Variants in PCDHA12 observed in about 807,000 individuals in gnomAD.
PCDHA12 encodes protocadherin alpha-12.
PCDHA12 carries 44 observed loss-of-function variants against 60.0 expected under a neutral mutation model. The ratio of observed to expected loss-of-function variants is 0.73; its 90% confidence interval spans 0.58 to 0.94. The LOEUF is 0.94. Ranked by LOEUF, PCDHA12 falls within the 40% of genes least tolerant of loss-of-function variation. PCDHA12 has a pLI of 0.00. For synonymous variants in PCDHA12, 569 were observed against 553.0 expected (o/e 1.03, Z -0.40); for missense variants, 1,276 against 1,239.7 (o/e 1.03, Z -0.44).
intron 1 of PCDHA12, among the ~76,000 whole-genome samples, chr5:140,936,457 TG>T (rs782214118): frequency 2.2e-4 from 34 of 152,232 alleles, no homozygotes; most frequent in Non-Finnish European, 4.6e-4. Flanking sequence ...ATCTGTTTAG[TG>T]GTTGCTGTAG....
chr5:140,879,491 T>G (rs2153367311), intron 1 of PCDHA12, among the ~76,000 whole-genome samples: 1 of 152,338 alleles, frequency 6.6e-6, no homozygotes. Flanking sequence ...AATATGGGTC[T>G]GGATCTCAGA....
At chr5:140,958,515 A>G (rs1217324801) in intron 1 of PCDHA12, among the ~76,000 whole-genome samples, 1 of 152,150 alleles carries the variant, frequency 6.6e-6, no homozygotes, top group Non-Finnish European at 1.5e-5. Flanking sequence ...TGGCTGTCCA[A>G]TATATACTAT....
At chr5:140,925,955 G>A (rs1350124934) in intron 1 of PCDHA12, among the ~76,000 whole-genome samples, 1 of 152,076 alleles carries the variant, frequency 6.6e-6, no homozygotes, top group Non-Finnish European at 1.5e-5. Context: ...AGGAGAAACT[G>A]CTATCACGCA....
At chr5:140,918,848 G>T (rs2078891260) in intron 1 of PCDHA12, among the ~76,000 whole-genome samples, 1 of 152,134 alleles carries the variant, frequency 6.6e-6, no homozygotes, top group Admixed American at 6.5e-5. Flanking sequence ...TAAATCTGCT[G>T]GTGCCTGAAT....
intron 1 of PCDHA12, among the ~76,000 whole-genome samples, chr5:140,952,166 G>A (rs2094699360): frequency 6.6e-6 from 1 of 152,072 alleles, no homozygotes; most frequent in African/African-American, 2.4e-5. Flanking sequence ...GTGGGGTTCA[G>A]TTCCTGCAGC....
chr5:140,925,371 A>G (rs1266840293), intron 1 of PCDHA12, among the ~76,000 whole-genome samples: 2 of 152,136 alleles, frequency 1.3e-5, no homozygotes, highest in Non-Finnish European at 2.9e-5. Context: ...CATAGTCAAT[A>G]GTCAATGAGT....
At chr5:140,919,552 T>C (rs2079193484) in intron 1 of PCDHA12, among the ~76,000 whole-genome samples, 1 of 152,224 alleles carries the variant, frequency 6.6e-6, no homozygotes, top group South Asian at 2.1e-4. Context: ...ATTTACTGAT[T>C]TATATTAAGT....
intron 1 of PCDHA12, among the ~76,000 whole-genome samples, chr5:140,890,775 C>T (rs1583027889): frequency 1.3e-5 from 2 of 152,158 alleles, no homozygotes; most frequent in East Asian, 3.9e-4. Context: ...TTTAAAACCC[C>T]ATAAGATATT....
intron 1 of PCDHA12, chr5:140,930,104 G>T (rs532818002): frequency 6.6e-6 from 1 of 152,210 alleles, no homozygotes; most frequent in Non-Finnish European, 1.5e-5. Flanking sequence ...ACTGATAGGA[G>T]ATCATATTGT....
In PCDHA12 at chr5:140,877,632, G is replaced by A. The variant is rs2057247482; in HGVS notation, c.2160G>A (p.Ala720=). The change falls in exon 1 of 4, where the codon GCG becomes GCA. Residue 720 remains alanine, a synonymous_variant. Coordinates refer to ENST00000398631, the MANE Select transcript of PCDHA12 (RefSeq NM_018903.4). ...LLVLTLLLYT[A]LRCSAPPTVS... is the part of the protein sequence containing the mutation. ...TGCTCACGCTGCTGCTGTACACTGC[G>A]CTGCGTTGCTCAGCGCCGCCCACCG... 1.2e-6 allele frequency: 2 copies of A among 1,613,768 alleles called. No homozygotes were observed. Among genetic ancestry groups the A allele is most frequent in the East Asian group, 4.5e-5 (2 of 44,860 alleles).
intron 1 of PCDHA12, chr5:140,881,495 T>C (rs2058735247): frequency 3.5e-6 from 1 of 288,914 alleles, no homozygotes; most frequent in Non-Finnish European, 5.2e-6. Flanking sequence ...TTTATGCACA[T>C]ACACACACTC....
chr5:141,009,770 A>T lies in PCDHA12; in HGVS notation c.2659A>T (p.Ile887Phe). The part of the protein sequence containing the change: ...DKFIIPGSPA[I>F]ISIRQEPTNS... The stretch of plus-strand genomic sequence containing the variant: ...ATTCATTATCCCAGGATCTCCTGCA[A>T]TCATCTCCATCCGGCAGGAGCCTAC... The change falls in exon 4 of 4, where the codon ATC becomes TTC. Residue 887 changes from isoleucine to phenylalanine, a missense_variant. Transcript: ENST00000398631. 6.2e-7 allele frequency: 1 copy of T among 1,614,160 alleles called. No homozygotes were observed. The highest frequency in any genetic ancestry group is 8.5e-7 in the Non-Finnish European group (1 of 1,180,028).
At chr5:140,982,213 A>G in intron 2 of PCDHA12, 2 of 482,032 alleles carry the variant, frequency 4.1e-6, no homozygotes, top group South Asian at 8.1e-5. Context: ...TGAGCGCCAC[A>G]TGGCGTTAAT....
intron 1 of PCDHA12, chr5:140,929,210 G>C (rs782078369): frequency 1.9e-6 from 3 of 1,614,070 alleles, no homozygotes; most frequent in Non-Finnish European, 2.5e-6. Context: ...CTGTTGCGTG[G>C]GGAGTACAAT....
intron 1 of PCDHA12, among the ~76,000 whole-genome samples, chr5:140,960,353 A>T (rs1197291282): frequency 6.6e-6 from 1 of 152,214 alleles, no homozygotes; most frequent in African/African-American, 2.4e-5. Context: ...ATATGTACTG[A>T]AATAATATGC....
intron 3 of PCDHA12, among the ~76,000 whole-genome samples, chr5:140,999,590 C>T (rs951986017): frequency 3.3e-5 from 5 of 152,132 alleles, no homozygotes; most frequent in Non-Finnish European, 7.3e-5. Context: ...AAATTGCCTT[C>T]CCTACATCCT....
intron 1 of PCDHA12, among the ~76,000 whole-genome samples, chr5:140,889,643 G>A (rs141216075): frequency 1.3e-4 from 20 of 152,024 alleles, no homozygotes; most frequent in African/African-American, 4.8e-4. Context: ...ATTTGTGTTT[G>A]CAGGAGATGT....
chr5:140,972,733 G>A (rs1037610917), intron 1 of PCDHA12, among the ~76,000 whole-genome samples: 7 of 147,652 alleles, frequency 4.7e-5, no homozygotes, highest in Non-Finnish European at 7.4e-5. Context: ...GCGTAATCCC[G>A]GCTCACTGCA....
intron 1 of PCDHA12, chr5:140,884,455 G>A: frequency 2.5e-6 from 4 of 1,613,784 alleles, no homozygotes; most frequent in Non-Finnish European, 3.4e-6. Flanking sequence ...CGCCCACCGA[G>A]GGCGCGTGCG....
Sources: allele counts gnomAD v4.1 joint callset (sites outside exome capture counted in the v4.1 genomes callset), GRCh38; gene constraint gnomAD v4.1.1; transcripts MANE v1.5; gene names NCBI Gene and HGNC (gene_info 2026-07-23, HGNC 2026-07-21).